PRDM16: variants seen among roughly 807,000 people sequenced by gnomAD.
The protein encoded by PRDM16 is PR/SET domain 16, also known as histone-lysine N-methyltransferase PRDM16.
In PRDM16, 23 loss-of-function variants were observed where a neutral mutation model predicts 110.6. The observed-to-expected ratio is 0.21, with a 90% CI of 0.15 to 0.29. PRDM16 has a LOEUF of 0.29. Ranked by LOEUF, PRDM16 falls within the 10% of genes least tolerant of loss-of-function variation. The pLI is 1.00. For synonymous variants in PRDM16, 799 were observed against 781.8 expected, an observed-to-expected ratio of 1.02 and a Z score of -0.37; for missense variants, 1,615 against 1,794.3, an observed-to-expected ratio of 0.90 and a Z score of 1.81.
At chr1:3,418,332 T>C (rs2100676972) in intron 11 of PRDM16, among the ~76,000 whole-genome samples, 1 of 152,262 alleles carries the variant, frequency 6.6e-6, no homozygotes, top group Middle Eastern at 3.4e-3. Context: ...TCAGCCAATT[T>C]CTGCAGTGTC....
chr1:3,297,062 T>C (rs758494776), intron 3 of PRDM16, among the ~76,000 whole-genome samples: 2 of 152,170 alleles, frequency 1.3e-5, no homozygotes, highest in African/African-American at 2.4e-5. Context: ...GCGTGGGCCC[T>C]CAGTGTGCGG....
rs1242308638 is a variant in PRDM16 at position 3,175,137 on chromosome 1, G to T, written c.38-10988G>T. ...AAAGCCAAGATCCAGGGCGAGGGGA[G>T]AAGCTATTGCCTTTACCGCACAGTT... On this transcript the variant is annotated intron_variant, in intron 1 of 16. Transcript: ENST00000270722. This position sits in a 1 kb window ranked among gnomAD's most constrained non-coding sequence, Gnocchi z 4.8. 6.6e-6 allele frequency among the ~76,000 whole-genome samples: 1 copy of T among 152,200 alleles called. No homozygotes were observed. The highest frequency in any genetic ancestry group is 1.5e-5 in the Non-Finnish European group (1 of 68,038).
In PRDM16 at chr1:3,190,044, G is replaced by A. The variant is rs1283628518; in HGVS notation, c.387+3570G>A. Among the ~76,000 whole-genome samples, 1 of 152,190 alleles carries A rather than the reference G, an allele frequency of 6.6e-6. No individual in the cohort carries two copies. On this transcript the variant is annotated intron_variant, in intron 2 of 16. Transcript: ENST00000270722. This position sits in a 1 kb window ranked among gnomAD's most constrained non-coding sequence, Gnocchi z 5.0. ...CAACCCTCGGCTTTGGGATGACTGGGGAGGGTCAGGGGCTCTTCTCTCCCT... is the reference window on the plus strand; with the variant it reads ...CAACCCTCGGCTTTGGGATGACTGGAGAGGGTCAGGGGCTCTTCTCTCCCT...
chr1:3,222,592 A>G (rs534526941), intron 2 of PRDM16, among the ~76,000 whole-genome samples: 11 of 152,244 alleles, frequency 7.2e-5, no homozygotes, highest in African/African-American at 2.6e-4. Context: ...AGCAGGCCTC[A>G]TGCACCAGCT....
intron 10 of PRDM16, 58 bp from the exon 11 acceptor site, chr1:3,417,770 C>G: frequency 6.8e-7 from 1 of 1,470,784 alleles, no homozygotes; most frequent in Admixed American, 1.7e-5. Context: ...GCAGTGCGTG[C>G]CCCTGAAGAC....
intron 1 of PRDM16, among the ~76,000 whole-genome samples, chr1:3,161,974 G>A (rs778647875): frequency 8.5e-5 from 13 of 152,194 alleles, no homozygotes; most frequent in South Asian, 6.2e-4. Context: ...CAGGGCACTC[G>A]GTTGGACGTC....
intron 1 of PRDM16, among the ~76,000 whole-genome samples, chr1:3,092,693 T>C (rs1642305240): frequency 6.6e-6 from 1 of 152,102 alleles, no homozygotes; most frequent in African/African-American, 2.4e-5. Flanking sequence ...GGGAGCCTCC[T>C]TCCTCTGGCT....
chr1:3,159,313 C>T (rs746115649), intron 1 of PRDM16, among the ~76,000 whole-genome samples: 3 of 152,250 alleles, frequency 2.0e-5, no homozygotes, highest in Non-Finnish European at 2.9e-5. Context: ...CGATGCGCCT[C>T]GCAGACCGCA....
At chr1:3,364,703 GA>G (rs1469096093) in intron 3 of PRDM16, among the ~76,000 whole-genome samples, 1 of 152,242 alleles carries the variant, frequency 6.6e-6, no homozygotes, top group African/African-American at 2.4e-5. Context: ...CTGCGCGGGG[GA>G]CAGGCGGGCC....
rs982024278 is a variant in PRDM16 at position 3,190,980 on chromosome 1, G to C, written c.387+4506G>C. On this transcript the variant is annotated intron_variant, in intron 2 of 16. Transcript: ENST00000270722. This position sits in a 1 kb window ranked among gnomAD's most constrained non-coding sequence, Gnocchi z 5.0. ...GGTCCTGCAGCTTGGGGCCTGCTGG[G>C]GCGGGATCCCGCAGGACCCCCAGGG... Among the ~76,000 whole-genome samples, 5 of 152,102 alleles carry C rather than the reference G, an allele frequency of 3.3e-5. No individual in the cohort carries two copies. Among genetic ancestry groups the C allele is most frequent in the Non-Finnish European group, 7.4e-5 (5 of 68,014 alleles).
In PRDM16 at chr1:3,402,898, G is replaced by A. The variant is rs376469401; in HGVS notation, c.784G>A (p.Glu262Lys). Residue 262 changes from glutamate to lysine, a missense_variant, in exon 6 of 17, where the codon GAG (glutamate) becomes AAG (lysine). Physicochemically the swap from Glu to Lys is moderately conservative, Grantham distance 56 (BLOSUM62 1). This residue lies in a region of PRDM16 where 416 missense variants were observed against 467.1 expected (regional missense o/e 0.89). Coordinates refer to ENST00000270722, the MANE Select transcript of PRDM16 (RefSeq NM_022114.4). ...TCGSVGAALY[E>K]GLAEELKPEG... ...TGGCTCAGTGGGGGCTGCGCTCTAC[G>A]AGGGCCTGGCTGAGGAGCTCAAGCC... The A allele has an allele frequency of 5.1e-5, 83 of 1,613,000 alleles. No homozygotes were observed. The South Asian group carries it at 6.3e-4, about 12-fold the overall frequency.
At chr1:3,395,268 G>A (rs1270645933) in intron 4 of PRDM16, among the ~76,000 whole-genome samples, 1 of 152,158 alleles carries the variant, frequency 6.6e-6, no homozygotes, top group Non-Finnish European at 1.5e-5. Flanking sequence ...CCCCAGCCAG[G>A]TCCAGGTGCT....
chr1:3,226,277 C>T (rs1639286997), intron 2 of PRDM16, among the ~76,000 whole-genome samples: 1 of 152,170 alleles, frequency 6.6e-6, no homozygotes, highest in South Asian at 2.1e-4. Context: ...AGAGGAACAC[C>T]GAGGGGCACA....
chr1:3,255,711 C>A lies in PRDM16; in HGVS notation c.438+11574C>A, dbSNP rs1640028458. ...CCTGACTGCCTGCCCCCCTTGGATG[C>A]CAGAGCTATCTGGGAGTTGTGAAAT... On this transcript the variant is annotated intron_variant, in intron 3 of 16. Coordinates refer to ENST00000270722, the MANE Select transcript of PRDM16 (RefSeq NM_022114.4). This position sits in a 1 kb window ranked among gnomAD's most constrained non-coding sequence, Gnocchi z 4.7. 6.6e-6 allele frequency among the ~76,000 whole-genome samples: 1 copy of A among 152,170 alleles called. No homozygotes were observed. The highest frequency in any genetic ancestry group is 2.4e-5 in the African/African-American group (1 of 41,444).
chr1:3,078,717 CG>C (rs35703551), intron 1 of PRDM16, among the ~76,000 whole-genome samples: 3,172 of 152,328 alleles, frequency 0.021, 52 homozygotes, highest in Admixed American at 0.042. Context: ...GAGGAAATGA[CG>C]GGGTGCATAC....
At chr1:3,367,751 A>G (rs944615728) in intron 3 of PRDM16, among the ~76,000 whole-genome samples, 3 of 152,236 alleles carry the variant, frequency 2.0e-5, no homozygotes, top group African/African-American at 4.8e-5. Context: ...TTTTATACTG[A>G]TAAGAATTAA....
At chr1:3,215,607 G>C (rs975366208) in intron 2 of PRDM16, among the ~76,000 whole-genome samples, 1 of 152,152 alleles carries the variant, frequency 6.6e-6, no homozygotes, top group Non-Finnish European at 1.5e-5. Context: ...CCCCACAGGG[G>C]CCCTGTCCTC....
intron 2 of PRDM16, among the ~76,000 whole-genome samples, chr1:3,192,622 T>C (rs1195274075): frequency 6.6e-6 from 1 of 152,100 alleles, no homozygotes; most frequent in Non-Finnish European, 1.5e-5. Flanking sequence ...CCGTCGGTCC[T>C]GGGCTGGGGA....
At chr1:3,222,662 A>G (rs781427032) in intron 2 of PRDM16, among the ~76,000 whole-genome samples, 22 of 152,170 alleles carry the variant, frequency 1.4e-4, no homozygotes, top group Non-Finnish European at 2.4e-4. Context: ...CCACACCCCA[A>G]CGTGAGACTC....
Sources: allele counts gnomAD v4.1 joint callset (sites outside exome capture counted in the v4.1 genomes callset), GRCh38; gene constraint gnomAD v4.1.1; regional missense constraint gnomAD v4.1.1; non-coding constraint Gnocchi (gnomAD v3.1); transcripts MANE v1.5; gene names NCBI Gene and HGNC (gene_info 2026-07-23, HGNC 2026-07-21).